Variants in PRXL2A observed in about 807,000 individuals in gnomAD.
PRXL2A encodes peroxiredoxin-like 2A.
PRXL2A carries 26 observed loss-of-function variants against 25.6 expected under a neutral mutation model. The ratio of observed to expected loss-of-function variants is 1.02; its 90% CI spans 0.74 to 1.41. The LOEUF is 1.41. Ranked by LOEUF, PRXL2A falls within the 40% of genes most tolerant of loss-of-function variation. The pLI is 0.00. For missense variants in PRXL2A, 246 were observed against 273.9 expected, an observed-to-expected ratio of 0.90 and a Z score of 0.72; for synonymous variants, 98 against 102.9, an observed-to-expected ratio of 0.95 and a Z score of 0.29.
At chr10:80,411,952 G>A (rs756110208) in intron 1 of PRXL2A, among the ~76,000 whole-genome samples, 2 of 152,166 alleles carry the variant, frequency 1.3e-5, no homozygotes, top group African/African-American at 2.4e-5. Flanking sequence ...AACTCAGCCA[G>A]TGCTGATACT....
intron 2 of PRXL2A, among the ~76,000 whole-genome samples, 163 bp from the exon 3 acceptor site, chr10:80,422,254 G>T (rs529547339): frequency 6.6e-6 from 1 of 152,308 alleles, no homozygotes; most frequent in Non-Finnish European, 1.5e-5. Context: ...TATTCTGTCT[G>T]TCTGTGTTTC....
chr10:80,413,334 G>C (rs1844537621), intron 1 of PRXL2A, among the ~76,000 whole-genome samples: 1 of 152,164 alleles, frequency 6.6e-6, no homozygotes, highest in Non-Finnish European at 1.5e-5. Context: ...AGTGTGGGTT[G>C]AGGGAAGCCA....
intron 3 of PRXL2A, among the ~76,000 whole-genome samples, chr10:80,423,858 C>T (rs1443597891): frequency 6.6e-6 from 1 of 152,178 alleles, no homozygotes; most frequent in Non-Finnish European, 1.5e-5. Context: ...AATTCCAAAG[C>T]GGAATCTGGT....
intron 1 of PRXL2A, among the ~76,000 whole-genome samples, chr10:80,409,623 C>T (rs755006960): frequency 6.6e-6 from 1 of 152,164 alleles, no homozygotes; most frequent in Non-Finnish European, 1.5e-5. Flanking sequence ...TGCTCCTGCT[C>T]GGGCCCAGCT....
intron 3 of PRXL2A, 78 bp from the exon 4 acceptor site, chr10:80,425,788 C>T (rs1845019790): frequency 6.4e-7 from 1 of 1,569,072 alleles, no homozygotes; most frequent in South Asian, 1.2e-5. Context: ...GCCTGGGCTG[C>T]AGAGGGAACC....
intron 1 of PRXL2A, among the ~76,000 whole-genome samples, chr10:80,416,508 G>A (rs1174193624): frequency 6.6e-6 from 1 of 152,202 alleles, no homozygotes; most frequent in East Asian, 1.9e-4. Flanking sequence ...GAGGCTGGAA[G>A]TAGGGGGCTG....
rs768516415 is a variant in PRXL2A at position 80,426,009 on chromosome 10, G to A, written c.411+3G>A. On this transcript the variant is annotated splice_donor_region_variant and intron_variant, in intron 4 of 5. Coordinates refer to ENST00000606162, the MANE Select transcript of PRXL2A (RefSeq NM_032333.5). ...GAGAAATCTTCCTGGATGAAAAGGT[G>A]TGTGTGATGGGAGGCTTTTAGACAC... 5.0e-6 allele frequency: 8 copies of A among 1,614,176 alleles called. No individual in the cohort carries two copies. In the South Asian group the frequency reaches 7.7e-5, roughly 16 times the overall value.
intron 1 of PRXL2A, chr10:80,409,011 G>GGA (rs1844366514): frequency 1.0e-6 from 1 of 985,030 alleles, no homozygotes; most frequent in East Asian, 1.1e-4. Flanking sequence ...AAAGAACAGA[G>GGA]GAGAGGGCCC....
chr10:80,427,514 A>T lies in PRXL2A; in HGVS notation c.576+18A>T. 1 of 1,613,422 alleles carries T rather than the reference A, an allele frequency of 6.2e-7. No homozygotes were observed. Among genetic ancestry groups the T allele is most frequent in the Non-Finnish European group, 8.5e-7 (1 of 1,179,648 alleles). On this transcript the variant is annotated intron_variant, in intron 5 of 5. Coordinates refer to ENST00000606162, the MANE Select transcript of PRXL2A (RefSeq NM_032333.5). The stretch of plus-strand genomic sequence containing the variant: ...GAAAGCAGGTGAGTTCTTGGTGTTT[A>T]CTTGTGGTCTGTAGGTGTCTGTGTC...
At chr10:80,408,221 T>C (rs1844336188), upstream of PRXL2A, among the ~76,000 whole-genome samples, 2 of 150,782 alleles carry the variant, frequency 1.3e-5, no homozygotes, top group Admixed American at 6.6e-5. Flanking sequence ...AGGCTGAAGA[T>C]TGGAAGGAAG....
At chr10:80,412,872 A>T (rs772313587) in intron 1 of PRXL2A, among the ~76,000 whole-genome samples, 11 of 152,160 alleles carry the variant, frequency 7.2e-5, no homozygotes, top group Non-Finnish European at 1.6e-4. Context: ...AGGTGTAATC[A>T]GGTGGGGGTG....
rs539235138 is a variant in PRXL2A at position 80,411,434 on chromosome 10, C to G, written c.-3+2791C>G. Among the ~76,000 whole-genome samples the G allele has an allele frequency of 9.9e-4, 151 of 152,332 alleles. 1 individual carries two copies. Among genetic ancestry groups the G allele is most frequent in the Admixed American group, 1.6e-3 (24 of 15,310 alleles). Reference sequence around the variant, plus strand: ...CTTCAAGACCTGCAGGGCCCCACTTCCTGAGCCCAGACTGCCATGCTATTC... The same window carrying G: ...CTTCAAGACCTGCAGGGCCCCACTTGCTGAGCCCAGACTGCCATGCTATTC... On this transcript the variant is annotated intron_variant, in intron 1 of 5. Coordinates refer to ENST00000606162, the MANE Select transcript of PRXL2A (RefSeq NM_032333.5).
At chr10:80,413,021 G>T (rs1490709403) in intron 1 of PRXL2A, among the ~76,000 whole-genome samples, 1 of 152,138 alleles carries the variant, frequency 6.6e-6, no homozygotes, top group African/African-American at 2.4e-5. Flanking sequence ...CAGCAGTGAG[G>T]TCGAGAAGAG....
chr10:80,426,153 C>A, intron 4 of PRXL2A, 147 bp downstream of exon 4: 1 of 907,276 alleles, frequency 1.1e-6, no homozygotes, highest in African/African-American at 1.7e-5. Context: ...TTTTTCAGCC[C>A]CCTGAGCAGA....
chr10:80,430,341 A>AC (rs1845208989), intron 5 of PRXL2A, among the ~76,000 whole-genome samples: 1 of 152,054 alleles, frequency 6.6e-6, no homozygotes, highest in Non-Finnish European at 1.5e-5. Flanking sequence ...ACCTCAAGTG[A>AC]TCTATCCACA....
chr10:80,409,563 A>G (rs2131872079), intron 1 of PRXL2A, among the ~76,000 whole-genome samples: 1 of 152,200 alleles, frequency 6.6e-6, no homozygotes, highest in East Asian at 1.9e-4. Context: ...AAAATAATCA[A>G]GATTTGTTTT....
chr10:80,422,186 A>G (rs1439292993), intron 2 of PRXL2A, among the ~76,000 whole-genome samples: 2 of 151,994 alleles, frequency 1.3e-5, no homozygotes, highest in African/African-American at 4.8e-5. Context: ...GGTGGGAGGG[A>G]CCTACCGGGT....
rs1320979004 is a variant in PRXL2A, at chr10:80,433,087, T to C, written c.*988T>C. The C allele has an allele frequency of 2.0e-5, 3 of 152,220 alleles. No individual in the cohort carries two copies. Among genetic ancestry groups the C allele is most frequent in the African/African-American group, 7.2e-5 (3 of 41,446 alleles). The allele number at this position is 152,220 out of a possible 1,614,324, so 9.4% of individuals were successfully genotyped here. A position where few individuals can be genotyped will look rare whatever the true frequency, so the allele number is the denominator to read the frequency against. On this transcript the variant is annotated 3_prime_UTR_variant, in exon 6 of 6. Transcript: ENST00000606162. ...AAAAAAAGTCAGCATTCTCCATGGC[T>C]GAGGGGTAAAGTGCCTCGGGGGATT... is the stretch of plus-strand genomic sequence containing the variant.
At chr10:80,419,074 C>T (rs1488585138) in intron 1 of PRXL2A, among the ~76,000 whole-genome samples, 1 of 152,174 alleles carries the variant, frequency 6.6e-6, no homozygotes, top group African/African-American at 2.4e-5. Flanking sequence ...CAACCTCCGC[C>T]TCCCGGGTTC....
Sources: gnomAD v4.1 joint callset for allele counts (sites outside exome capture counted in the v4.1 genomes callset) on GRCh38, gnomAD v4.1.1 for gene constraint, MANE v1.5 for transcripts, NCBI Gene and HGNC (gene_info 2026-07-23, HGNC 2026-07-21) for gene names.